Variants in ERAP1 observed in about 807,000 individuals in gnomAD.
ERAP1 encodes the protein adipocyte-derived leucine aminopeptidase.
In ERAP1, 86 loss-of-function variants were observed where a neutral mutation model predicts 103.7. The ratio of observed to expected loss-of-function variants is 0.83; its 90% confidence interval spans 0.70 to 0.99. ERAP1 has a LOEUF of 0.99. Among genes scored for constraint, ERAP1 ranks in the 50% least tolerant of loss-of-function variants. The probability of loss-of-function intolerance (pLI) is 0.00; values close to 1 mark genes in which losing one functional copy is unlikely to be tolerated. For synonymous variants in ERAP1, 398 were observed against 402.4 expected (o/e 0.99, Z 0.13); for missense variants, 1,009 against 1,128.4 (o/e 0.89, Z 1.52).
chr5:96,905,944 A>ATTTT, the ERAP1 span, among the ~76,000 whole-genome samples: 4 of 139,598 alleles, frequency 2.9e-5, no homozygotes, highest in Admixed American at 7.3e-5. Flanking sequence ...TTTCTTTTTA[A>ATTTT]TTTTTTTTTT....
At chr5:96,798,188 G>T (rs1444042675) in intron 3 of ERAP1, among the ~76,000 whole-genome samples, 4 of 151,958 alleles carry the variant, frequency 2.6e-5, no homozygotes, top group African/African-American at 9.7e-5. Flanking sequence ...AGCCGGGCGT[G>T]GTGGCAGGTG....
In ERAP1 at chr5:96,795,130, A is replaced by G. The variant is rs1292056381; in HGVS notation, c.831T>C (p.Asn277=). 6 of 1,613,782 alleles carry G rather than the reference A, an allele frequency of 3.7e-6. No homozygotes were observed. The African/African-American group carries it at 8.0e-5, about 22-fold the overall frequency. The change falls in exon 5 of 19, where the codon AAT becomes AAC. Residue 277 remains asparagine, a synonymous_variant. Coordinates refer to ENST00000443439, the MANE Select transcript of ERAP1 (RefSeq NM_001040458.3). The part of the protein sequence containing the change: ...VSVYAVPDKI[N]QADYALDAAV... ...CAGCATCCAGTGCATAATCTGCTTGATTTATCTTGTCTGGCACAGCATAAA... is the reference window on the plus strand; with the variant it reads ...CAGCATCCAGTGCATAATCTGCTTGGTTTATCTTGTCTGGCACAGCATAAA...
At chr5:96,909,734 C>A in the ERAP1 span, 3 of 1,614,138 alleles carry the variant, frequency 1.9e-6, no homozygotes, top group Non-Finnish European at 8.5e-7. Context: ...GAACTCTTCT[C>A]CCAGTGGATG....
intron 18 of ERAP1, 21 bp downstream of exon 18, chr5:96,780,402 A>G (rs778052986): frequency 9.4e-6 from 14 of 1,494,536 alleles, no homozygotes; most frequent in Admixed American, 7.4e-5. Flanking sequence ...AAAAATATAT[A>G]TATAGATTTT....
the ERAP1 span, among the ~76,000 whole-genome samples, chr5:96,818,549 T>C: frequency 9.1e-6 from 1 of 109,814 alleles, no homozygotes; most frequent in Non-Finnish European, 2.2e-5. Flanking sequence ...AAAAGGAGGC[T>C]AAGCTTGAGA....
chr5:96,890,294 T>A, the ERAP1 span, among the ~76,000 whole-genome samples: 4 of 152,276 alleles, frequency 2.6e-5, no homozygotes, highest in South Asian at 8.3e-4. Context: ...GGGCATTAGA[T>A]TCTCATAAGG....
chr5:96,846,083 A>G, the ERAP1 span, among the ~76,000 whole-genome samples: 2 of 152,212 alleles, frequency 1.3e-5, no homozygotes, highest in South Asian at 4.1e-4. Flanking sequence ...CGTAAAAAAC[A>G]GAACCCAAAG....
Position 96,784,123 on chromosome 5 carries a change from G to A in ERAP1, c.1944-43C>T, listed in dbSNP as rs773819485. 34 of 1,604,976 alleles carry A rather than the reference G, an allele frequency of 2.1e-5. 1 individual carries two copies. The highest frequency in any genetic ancestry group is 4.4e-5 in the South Asian group (4 of 90,838). On this transcript the variant is annotated intron_variant, in intron 13 of 18. Transcript: ENST00000443439. ...TGGTTAGTGGTTTAAAAGTAAATCC[G>A]GGAAGTCAACTTTTTGCTTCAAAAT...
At chr5:96,825,857 A>G in the ERAP1 span, among the ~76,000 whole-genome samples, 1 of 78,006 alleles carries the variant, frequency 1.3e-5, no homozygotes, top group East Asian at 2.6e-4. Flanking sequence ...GTGTTTAAAC[A>G]TCAAAAAAAA....
the ERAP1 span, among the ~76,000 whole-genome samples, chr5:96,870,451 T>C: frequency 6.6e-6 from 1 of 150,700 alleles, no homozygotes; most frequent in Admixed American, 6.6e-5. Flanking sequence ...TTGTCTAATC[T>C]CTTAATAAGA....
At chr5:96,897,746 T>A in the ERAP1 span, among the ~76,000 whole-genome samples, 82,288 of 151,992 alleles carry the variant, frequency 0.54, 22,343 homozygotes, top group Admixed American at 0.59. Context: ...AAGAAAATAA[T>A]TTTTTATAGA....
At chr5:96,903,236 G>T in the ERAP1 span, 812 of 614,016 alleles carry the variant, frequency 1.3e-3, 2 homozygotes, top group Non-Finnish European at 1.9e-3. Flanking sequence ...AGTGAACTAC[G>T]AAAATGAATA....
At chr5:96,783,876 C>A (rs1354861863) in intron 14 of ERAP1, 48 bp downstream of exon 14, 1 of 1,312,342 alleles carries the variant, frequency 7.6e-7, no homozygotes, top group Admixed American at 2.6e-5. Flanking sequence ...ATGATTAACA[C>A]TTTTTAACAC....
At chr5:96,798,588 T>TTC (rs1554041744) in intron 3 of ERAP1, among the ~76,000 whole-genome samples, 6 of 151,456 alleles carry the variant, frequency 4.0e-5, no homozygotes, top group Non-Finnish European at 8.8e-5. Context: ...CATCTTTTTT[T>TTC]TTTGTTTTGA....
the ERAP1 span, among the ~76,000 whole-genome samples, chr5:96,837,371 A>T: frequency 6.6e-6 from 1 of 152,346 alleles, no homozygotes; most frequent in South Asian, 2.1e-4. Flanking sequence ...ACATTAGGTC[A>T]GTAGTTATAT....
chr5:96,922,324 A>C, the ERAP1 span, among the ~76,000 whole-genome samples: 991 of 152,202 alleles, frequency 6.5e-3, 17 homozygotes, highest in African/African-American at 0.023. Flanking sequence ...AACAAAAAAA[A>C]CTGTTTTCTA....
At chr5:96,852,972 G>A in the ERAP1 span, among the ~76,000 whole-genome samples, 3 of 152,144 alleles carry the variant, frequency 2.0e-5, no homozygotes, top group Middle Eastern at 3.2e-3. Context: ...AAAGTGACAA[G>A]TAGACTGTAG....
In ERAP1 at chr5:96,783,239, A is replaced by T; in HGVS notation, c.2101-4T>A. Reference sequence around the variant, plus strand: ...TTAGCAGCCTGATGAGGAAGGCCTGAGGGCGTTGTACAGGGAAACAGGGAC... The same window carrying T: ...TTAGCAGCCTGATGAGGAAGGCCTGTGGGCGTTGTACAGGGAAACAGGGAC... On this transcript the variant is annotated splice_region_variant and splice_polypyrimidine_tract_variant and intron_variant, in intron 14 of 18. Transcript: ENST00000443439. The T allele has an allele frequency of 6.2e-7, 1 of 1,609,306 alleles. No individual in the cohort carries two copies. The highest frequency in any genetic ancestry group is 8.5e-7 in the Non-Finnish European group (1 of 1,176,142).
At chr5:96,869,597 G>A in the ERAP1 span, among the ~76,000 whole-genome samples, 1 of 152,318 alleles carries the variant, frequency 6.6e-6, no homozygotes, top group South Asian at 2.1e-4. Flanking sequence ...GTTTTTTGCT[G>A]TATTCAAATA....
Sources: gnomAD v4.1 joint callset for allele counts (sites outside exome capture counted in the v4.1 genomes callset) on GRCh38, gnomAD v4.1.1 for gene constraint, MANE v1.5 for transcripts, NCBI Gene and HGNC (gene_info 2026-07-23, HGNC 2026-07-21) for gene names.